RAD52: variants seen among roughly 807,000 people sequenced by gnomAD.
RAD52 encodes RAD52 DNA repair protein, also known as DNA repair protein RAD52 homolog.
RAD52 carries 47 observed loss-of-function variants against 55.5 expected under a neutral mutation model. The observed-to-expected ratio is 0.85, with a 90% CI of 0.67 to 1.08. The LOEUF is 1.08. Among genes scored for constraint, RAD52 ranks in the 50% least tolerant of loss-of-function variants. RAD52 has a pLI of 0.00. For missense variants in RAD52, 468 were observed against 522.8 expected (o/e 0.90, Z 1.02); for synonymous variants, 184 against 198.9 (o/e 0.92, Z 0.63).
At chr12:935,193 TG>T (rs147801684) in intron 1 of RAD52, among the ~76,000 whole-genome samples, 10,562 of 151,982 alleles carry the variant, frequency 0.069, 434 homozygotes, top group African/African-American at 0.085. Context: ...CTGGACACTG[TG>T]GGGTCAAAAA....
intron 6 of RAD52, among the ~76,000 whole-genome samples, chr12:926,339 A>G (rs1235539701): frequency 1.3e-5 from 2 of 151,956 alleles, no homozygotes; most frequent in African/African-American, 4.8e-5. Flanking sequence ...CCAAAAAAAA[A>G]AAAATTTTTT....
rs1592316621 is a variant in RAD52, at chr12:916,729, A to C, written c.635T>G (p.Met212Arg). 6.2e-7 allele frequency: 1 copy of C among 1,614,150 alleles called. No homozygotes were observed. Among genetic ancestry groups the C allele is most frequent in the Non-Finnish European group, 8.5e-7 (1 of 1,180,016 alleles). Reference sequence around the variant, plus strand: ...CTGCAGCTGTGGGTGTCCCAGGGCCATGTTCGGTCGGCAGCTGTTGTATCT... The same window carrying C: ...CTGCAGCTGTGGGTGTCCCAGGGCCCTGTTCGGTCGGCAGCTGTTGTATCT... ...EARYNSCRPN[M>R]ALGHPQLQQV... The change falls in exon 8 of 12, where the codon ATG becomes AGG. Residue 212 changes from methionine to arginine, a missense_variant. Coordinates refer to ENST00000358495, the MANE Select transcript of RAD52 (RefSeq NM_134424.4).
At chr12:978,883 A>G (rs1015000943) in intron 1 of RAD52, among the ~76,000 whole-genome samples, 1 of 127,666 alleles carries the variant, frequency 7.8e-6, no homozygotes, top group Non-Finnish European at 1.7e-5. Flanking sequence ...AAAAAAGTAG[A>G]TGATAGGTAG....
intron 1 of RAD52, among the ~76,000 whole-genome samples, chr12:934,765 A>T (rs1957525237): frequency 6.6e-6 from 1 of 152,046 alleles, no homozygotes. Flanking sequence ...TGTCAGTCAT[A>T]CCTCAAAAAA....
Position 978,765 on chromosome 12 carries a change from G to A in RAD52, c.-19+11044C>T, listed in dbSNP as rs551132860. Among the ~76,000 whole-genome samples the A allele has an allele frequency of 4.6e-5, 7 of 152,066 alleles. No homozygotes were observed. In the South Asian group the frequency reaches 1.2e-3, roughly 27 times the overall value. Reference sequence around the variant, plus strand: ...TGCACACCTGTAATCCAAACTACTCGGGAGGCTGAGGCAGGAGAATTGCTT... The same window carrying A: ...TGCACACCTGTAATCCAAACTACTCAGGAGGCTGAGGCAGGAGAATTGCTT... On this transcript the variant is annotated intron_variant, in intron 1 of 11. Coordinates refer to the RAD52 transcript ENST00000430095.
chr12:976,344 A>G (rs1331565851), intron 1 of RAD52: 1 of 152,260 alleles, frequency 6.6e-6, no homozygotes, highest in Admixed American at 6.6e-5. Context: ...AAACTCTTTG[A>G]CATACTTCCC....
intron 1 of RAD52, among the ~76,000 whole-genome samples, chr12:986,334 G>T (rs1008118279): frequency 2.0e-5 from 3 of 152,042 alleles, no homozygotes; most frequent in Non-Finnish European, 2.9e-5. Flanking sequence ...AAAGTGCTGG[G>T]ATTACAGGAG....
At chr12:980,847 C>T (rs1253368955) in intron 1 of RAD52, among the ~76,000 whole-genome samples, 1 of 152,070 alleles carries the variant, frequency 6.6e-6, no homozygotes, top group Non-Finnish European at 1.5e-5. Context: ...CTGGGTATGA[C>T]CTCACTGGGG....
chr12:988,700 G>C (rs538124528), intron 1 of RAD52, among the ~76,000 whole-genome samples: 1 of 152,270 alleles, frequency 6.6e-6, no homozygotes, highest in East Asian at 1.9e-4. Flanking sequence ...TCAAACCCGA[G>C]GTGAGTCCTG....
intron 1 of RAD52, chr12:949,292 C>G (rs567167151): frequency 1.3e-5 from 2 of 152,242 alleles, no homozygotes; most frequent in African/African-American, 2.4e-5. Flanking sequence ...CCACGCCTGT[C>G]TGCAGGCAGC....
At chr12:986,539 T>C (rs1027416477) in intron 1 of RAD52, among the ~76,000 whole-genome samples, 1 of 152,012 alleles carries the variant, frequency 6.6e-6, no homozygotes, top group African/African-American at 2.4e-5. Context: ...ATTTTTAAAA[T>C]TTTTTTGTAG....
At chr12:915,174 G>A (rs1211352501) in intron 9 of RAD52, among the ~76,000 whole-genome samples, 1 of 152,168 alleles carries the variant, frequency 6.6e-6, no homozygotes, top group Non-Finnish European at 1.5e-5. Context: ...AAAATCTGAT[G>A]TGTGAAATGG....
intron 1 of RAD52, among the ~76,000 whole-genome samples, chr12:970,314 A>C (rs1232244140): frequency 1.4e-5 from 1 of 72,834 alleles, no homozygotes; most frequent in African/African-American, 5.1e-5. Flanking sequence ...ACAAGACATC[A>C]TCTCAAAAAA....
At chr12:978,409 A>T (rs1958963010) in intron 1 of RAD52, among the ~76,000 whole-genome samples, 1 of 152,238 alleles carries the variant, frequency 6.6e-6, no homozygotes, top group Non-Finnish European at 1.5e-5. Flanking sequence ...TACTATGTTC[A>T]AATGTAACTT....
At chr12:972,082 A>G (rs1337203732) in intron 1 of RAD52, among the ~76,000 whole-genome samples, 1 of 152,200 alleles carries the variant, frequency 6.6e-6, no homozygotes, top group East Asian at 1.9e-4. Flanking sequence ...AAAATATGGG[A>G]GGAATAAGCA....
intron 1 of RAD52, among the ~76,000 whole-genome samples, chr12:935,967 C>T (rs1319265478): frequency 2.0e-5 from 3 of 151,206 alleles, no homozygotes; most frequent in African/African-American, 7.3e-5. Flanking sequence ...GATCCACCCG[C>T]CTCAGGTGTG....
chr12:981,114 G>C (rs747916130), intron 1 of RAD52, among the ~76,000 whole-genome samples: 4 of 151,728 alleles, frequency 2.6e-5, no homozygotes, highest in Non-Finnish European at 4.4e-5. Flanking sequence ...CAGATAGCTT[G>C]AGGTCAGCAG....
chr12:948,897 CTA>C (rs1001580330), intron 1 of RAD52, among the ~76,000 whole-genome samples: 45 of 152,092 alleles, frequency 3.0e-4, no homozygotes, highest in African/African-American at 9.9e-4. Context: ...CGGGGTTTCG[CTA>C]TGTTAGCCAG....
rs1353876730 is a variant in RAD52 at position 916,383 on chromosome 12, G to C, written c.826C>G (p.Gln276Glu). The change falls in exon 9 of 12, where the codon CAG (glutamine) becomes GAG (glutamate). Residue 276 changes from glutamine (Q) to glutamate (E), a missense_variant. By Grantham distance (29) the Gln-to-Glu change is conservative. Coordinates refer to ENST00000358495, the MANE Select transcript of RAD52 (RefSeq NM_134424.4). Reference protein sequence around the residue: ...QQFRERMEKQQVRVSTPSAEK... With the variant: ...QQFRERMEKQEVRVSTPSAEK... ...GCTGACGGCGTGGAGACTCGAACCT[G>C]CTGCTTCTCCATCCGCTCCCGGAAC... 1 of 1,608,552 alleles carries C rather than the reference G, an allele frequency of 6.2e-7. No homozygotes were observed. Among genetic ancestry groups the C allele is most frequent in the Admixed American group, 1.7e-5 (1 of 59,952 alleles).
Sources: allele counts gnomAD v4.1 joint callset (sites outside exome capture counted in the v4.1 genomes callset), GRCh38; gene constraint gnomAD v4.1.1; transcripts MANE v1.5; gene names NCBI Gene and HGNC (gene_info 2026-07-23, HGNC 2026-07-21).